The following GRID2IP variants were observed in gnomAD, a reference collection of about 807,000 sequenced individuals.
GRID2IP encodes the protein delphilin.
In GRID2IP, 78 loss-of-function variants were observed where a neutral mutation model predicts 114.3. The observed-to-expected ratio is 0.68, with a 90% confidence interval of 0.57 to 0.82. The LOEUF (loss-of-function observed/expected upper bound fraction) is 0.82. Ranked by LOEUF, GRID2IP falls within the 40% of genes least tolerant of loss-of-function variation. The probability of loss-of-function intolerance (pLI) is 0.00; values close to 1 mark genes in which losing one functional copy is unlikely to be tolerated. For missense variants in GRID2IP, 1,727 were observed against 1,678.5 expected (o/e 1.03, Z -0.51); for synonymous variants, 809 against 724.0 (o/e 1.12, Z -1.89).
At chr7:6,549,720 A>T (rs1488173592) in intron 1 of GRID2IP, among the ~76,000 whole-genome samples, 1 of 152,018 alleles carries the variant, frequency 6.6e-6, no homozygotes, top group Non-Finnish European at 1.5e-5. Flanking sequence ...TCCCAAGCTC[A>T]AGTAATCCTC....
intron 1 of GRID2IP, among the ~76,000 whole-genome samples, chr7:6,549,928 A>T (rs1380826091): frequency 6.6e-6 from 1 of 151,494 alleles, no homozygotes; most frequent in Non-Finnish European, 1.5e-5. Flanking sequence ...ACCTCACCCC[A>T]CTGGCTCTTT....
intron 2 of GRID2IP, among the ~76,000 whole-genome samples, chr7:6,529,989 C>T (rs372206638): frequency 2.8e-5 from 4 of 142,922 alleles, no homozygotes; most frequent in Admixed American, 1.4e-4. Flanking sequence ...GACAAAGTCT[C>T]GCTCTGTCAC....
In GRID2IP at chr7:6,523,380, G is replaced by A. The variant is rs73344948; in HGVS notation, c.920-1423C>T. On this transcript the variant is annotated intron_variant, in intron 4 of 21. Transcript: ENST00000457091. The surrounding 1 kb of genome is among the most constrained non-coding windows in gnomAD (Gnocchi z 4.5). ...GGGACAGCTAGAGAGGTTGTCGCAG[G>A]GGATCAAAGAGCACTGGGCCAGGAG... Among the ~76,000 whole-genome samples the A allele has an allele frequency of 0.015, 2,245 of 152,032 alleles. 56 individuals carry two copies. Among genetic ancestry groups the A allele is most frequent in the African/African-American group, 0.051 (2,110 of 41,484 alleles).
chr7:6,531,393 C>A (rs1261885566), intron 2 of GRID2IP, among the ~76,000 whole-genome samples: 1 of 152,234 alleles, frequency 6.6e-6, no homozygotes, highest in African/African-American at 2.4e-5. Context: ...TCCGTTATTC[C>A]CTTCCCAGGA....
intron 1 of GRID2IP, among the ~76,000 whole-genome samples, chr7:6,549,999 T>C (rs1346637465): frequency 1.3e-5 from 2 of 151,702 alleles, no homozygotes; most frequent in Non-Finnish European, 2.9e-5. Context: ...TATTTTATCT[T>C]TTTATTTTAG....
rs576989010 is a variant in GRID2IP, at chr7:6,508,371, C to T, written c.2158G>A (p.Val720Ile). The T allele has an allele frequency of 1.1e-5, 17 of 1,551,462 alleles. No homozygotes were observed. The highest frequency in any genetic ancestry group is 2.4e-5 in the South Asian group (2 of 84,060). Reference protein sequence around the residue: ...MSFHDDQGSFVTNERSSASDC... With the variant: ...MSFHDDQGSFITNERSSASDC... ...CTGGCGCTGCTCCGCTCATTGGTTA[C>T]GAAGCTGCCCTGGTCATCATGGAAG... The change falls in exon 13 of 22, where the codon GTA (valine) becomes ATA (isoleucine). Residue 720 changes from valine to isoleucine, a missense_variant. Coordinates refer to ENST00000457091, the MANE Select transcript of GRID2IP (RefSeq NM_001145118.2). The surrounding 1 kb of genome is among the most constrained non-coding windows in gnomAD (Gnocchi z 5.6).
chr7:6,518,497 G>A (rs1460039704), intron 7 of GRID2IP, among the ~76,000 whole-genome samples: 1 of 152,122 alleles, frequency 6.6e-6, no homozygotes, highest in Non-Finnish European at 1.5e-5. Flanking sequence ...CAGCACTTTG[G>A]GAGGCTGAAG....
intron 14 of GRID2IP, among the ~76,000 whole-genome samples, chr7:6,505,078 C>T (rs1265649881): frequency 6.6e-6 from 1 of 152,204 alleles, no homozygotes; most frequent in Non-Finnish European, 1.5e-5. Flanking sequence ...CCTGTGCACT[C>T]CCCGTGCTGC....
intron 2 of GRID2IP, among the ~76,000 whole-genome samples, chr7:6,529,877 G>A (rs1478033084): frequency 6.6e-6 from 1 of 151,916 alleles, no homozygotes; most frequent in Non-Finnish European, 1.5e-5. Context: ...GCCAGAGTCA[G>A]GTCTAAATCC....
intron 20 of GRID2IP, among the ~76,000 whole-genome samples, chr7:6,499,423 C>G (rs891882263): frequency 1.3e-5 from 2 of 152,070 alleles, no homozygotes; most frequent in Non-Finnish European, 2.9e-5. Flanking sequence ...CAGAGGCTGC[C>G]TTTAATTAAT....
At chr7:6,513,229 TC>T (rs1208117916) in intron 8 of GRID2IP, among the ~76,000 whole-genome samples, 1 of 151,932 alleles carries the variant, frequency 6.6e-6, no homozygotes, top group Non-Finnish European at 1.5e-5. Context: ...TGAGTTTCTT[TC>T]TTTTTTCTTT....
intron 14 of GRID2IP, among the ~76,000 whole-genome samples, chr7:6,505,121 C>A (rs1020913221): frequency 1.3e-5 from 2 of 152,262 alleles, no homozygotes; most frequent in African/African-American, 4.8e-5. Flanking sequence ...CATCCTGGGA[C>A]CGCCTGTTCC....
chr7:6,505,156 C>T (rs1478743254), intron 14 of GRID2IP, among the ~76,000 whole-genome samples: 3 of 152,094 alleles, frequency 2.0e-5, no homozygotes, highest in Non-Finnish European at 4.4e-5. Context: ...GGGAGATACC[C>T]AGGAAGGGGT....
chr7:6,505,968 A>C (rs1583334374), intron 13 of GRID2IP, 61 bp from the exon 14 acceptor site: 7 of 1,192,738 alleles, frequency 5.9e-6, no homozygotes, highest in South Asian at 2.6e-5. Flanking sequence ...CTGGCCTCCC[A>C]CTTCCCACCC....
At position 6,536,700 on chromosome 7, in the gene GRID2IP, T is replaced by A; in HGVS notation, c.584+3018A>T. ...GGGAGGGGCGGGACGGGGGGCTGCC[T>A]GTCAATCAGCTCCCCAGGAAGCGCT... On this transcript the variant is annotated intron_variant, in intron 2 of 21. Coordinates refer to ENST00000457091, the MANE Select transcript of GRID2IP (RefSeq NM_001145118.2). This position sits in a 1 kb window ranked among gnomAD's most constrained non-coding sequence, Gnocchi z 5.3. The A allele has an allele frequency of 3.0e-6, 2 of 668,918 alleles. No individual in the cohort carries two copies. Among genetic ancestry groups the A allele is most frequent in the East Asian group, 2.8e-5 (1 of 35,244 alleles). The allele number at this position is 668,918 out of a possible 1,614,324, so 41.4% of individuals were successfully genotyped here.
In GRID2IP at chr7:6,549,789, T is replaced by G. The variant is rs1391374189; in HGVS notation, c.429+1219A>C. Among the ~76,000 whole-genome samples, 5 of 128,136 alleles carry G rather than the reference T, an allele frequency of 3.9e-5. No homozygotes were observed. The East Asian group carries it at 8.2e-4, about 21-fold the overall frequency. The allele number at this position is 128,136 out of a possible 152,430, so 84.1% of individuals were successfully genotyped here. A position where few individuals can be genotyped will look rare whatever the true frequency, so the allele number is the denominator to read the frequency against. ...GGCGCGCGCCACCACACCTGGCTGGTTTTTTTTTTTTTTATATTTTTGATA... is the reference window on the plus strand; with the variant it reads ...GGCGCGCGCCACCACACCTGGCTGGGTTTTTTTTTTTTTATATTTTTGATA... On this transcript the variant is annotated intron_variant, in intron 1 of 21. Coordinates refer to ENST00000457091, the MANE Select transcript of GRID2IP (RefSeq NM_001145118.2).
At chr7:6,549,357 C>T (rs1372244261) in intron 1 of GRID2IP, among the ~76,000 whole-genome samples, 2 of 152,338 alleles carry the variant, frequency 1.3e-5, no homozygotes, top group African/African-American at 4.8e-5. Flanking sequence ...GTGACTCAGG[C>T]CTTGGGTTCT....
At chr7:6,547,946 G>C (rs1330830366) in intron 1 of GRID2IP, among the ~76,000 whole-genome samples, 1 of 152,190 alleles carries the variant, frequency 6.6e-6, no homozygotes, top group East Asian at 1.9e-4. Context: ...AAACCCCATG[G>C]CCAAGTGCTG....
chr7:6,526,230 G>A lies in GRID2IP; in HGVS notation c.913C>T (p.Leu305=), dbSNP rs1779507953. The A allele has an allele frequency of 2.6e-6, 4 of 1,551,674 alleles. No individual in the cohort carries two copies. The highest frequency in any genetic ancestry group is 3.5e-6 in the Non-Finnish European group (4 of 1,146,936). The part of the protein sequence containing the change: ...GHGPVWIESV[L]PGSPADNAAL... ...CAACCGGCCCACCCCTCACCAGGCAGGACAGACTCGATCCAGACAGGCCCG... is the reference window on the plus strand; with the variant it reads ...CAACCGGCCCACCCCTCACCAGGCAAGACAGACTCGATCCAGACAGGCCCG... The change falls in exon 4 of 22, where the codon CTG becomes TTG. Residue 305 remains leucine, a synonymous_variant. Coordinates refer to ENST00000457091, the MANE Select transcript of GRID2IP (RefSeq NM_001145118.2). The surrounding 1 kb of genome is among the most constrained non-coding windows in gnomAD (Gnocchi z 7.6).
Sources: allele counts gnomAD v4.1 joint callset (sites outside exome capture counted in the v4.1 genomes callset), GRCh38; gene constraint gnomAD v4.1.1; non-coding constraint Gnocchi (gnomAD v3.1); transcripts MANE v1.5; gene names NCBI Gene and HGNC (gene_info 2026-07-23, HGNC 2026-07-21).